Variants in HAUS8 observed in about 807,000 individuals in gnomAD.
The protein encoded by HAUS8 is HAUS augmin-like complex subunit 8.
A neutral mutation model predicts 42.9 loss-of-function variants in HAUS8; 38 were observed. The observed-to-expected ratio is 0.89, with a 90% CI of 0.68 to 1.16. The LOEUF is 1.16. Ranked by LOEUF, HAUS8 falls within the 50% of genes most tolerant of loss-of-function variation. The pLI, the probability that HAUS8 is intolerant of heterozygous loss-of-function variation, is 0.00. For missense variants in HAUS8, 494 were observed against 511.6 expected (o/e 0.97, Z 0.33); for synonymous variants, 199 against 205.8 (o/e 0.97, Z 0.28).
intron 2 of HAUS8, among the ~76,000 whole-genome samples, chr19:17,071,233 C>T (rs2057421280): frequency 6.6e-6 from 1 of 152,124 alleles, no homozygotes; most frequent in South Asian, 2.1e-4. Flanking sequence ...CCAGTTGATT[C>T]TTCTGTTGGG....
At chr19:17,068,363 C>T (rs1054267464) in intron 3 of HAUS8, among the ~76,000 whole-genome samples, 2 of 152,112 alleles carry the variant, frequency 1.3e-5, no homozygotes, top group Non-Finnish European at 2.9e-5. Flanking sequence ...ATCCGCCCAC[C>T]TCGGCCTCCC....
At chr19:17,060,908 T>C (rs1369149800) in intron 4 of HAUS8, among the ~76,000 whole-genome samples, 2 of 152,138 alleles carry the variant, frequency 1.3e-5, no homozygotes, top group Non-Finnish European at 2.9e-5. Flanking sequence ...CGGTATGTTG[T>C]GTTAGGAACT....
In HAUS8 at chr19:17,075,114, C is replaced by T. The variant is rs573257619; in HGVS notation, c.29+280G>A. 9.5e-6 allele frequency: 5 copies of T among 527,498 alleles called. No individual in the cohort carries two copies. In the Admixed American group the frequency reaches 1.3e-4, roughly 13 times the overall value. 32.7% of individuals were successfully genotyped at this position (527,498 alleles called of 1,614,324 possible). A position where few individuals can be genotyped will look rare whatever the true frequency, so the allele number is the denominator to read the frequency against. ...CGAGGTTGAGCTGCGTCATCGGCCC[C>T]ATTTCGTAGCGGAGGAAAGCGAGGC... On this transcript the variant is annotated intron_variant, in intron 1 of 10. Transcript: ENST00000253669.
chr19:17,068,203 T>A (rs1176120940), intron 3 of HAUS8, among the ~76,000 whole-genome samples: 1 of 143,870 alleles, frequency 7.0e-6, no homozygotes, highest in African/African-American at 2.6e-5. Context: ...AACCTCTGCC[T>A]CCCAGGTTCA....
intron 3 of HAUS8, among the ~76,000 whole-genome samples, chr19:17,068,097 T>A (rs1414305272): frequency 6.8e-6 from 1 of 147,862 alleles, no homozygotes; most frequent in East Asian, 1.9e-4. Context: ...TTTTATTTTA[T>A]TCTTTTTTTT....
chr19:17,053,417 C>G (rs138181636), intron 9 of HAUS8: 1 of 171,774 alleles, frequency 5.8e-6, no homozygotes, highest in African/African-American at 2.4e-5. Flanking sequence ...TACATCACAT[C>G]AAGGCCAGTC....
intron 5 of HAUS8, 116 bp from the exon 6 acceptor site, chr19:17,059,767 G>C: frequency 1.4e-6 from 1 of 739,562 alleles, no homozygotes; most frequent in East Asian, 2.6e-5. Context: ...AAATTGAGGA[G>C]TATATGGACT....
chr19:17,068,642 C>T (rs902818483), intron 3 of HAUS8, among the ~76,000 whole-genome samples: 2 of 152,032 alleles, frequency 1.3e-5, no homozygotes, highest in Non-Finnish European at 2.9e-5. Context: ...TAGCACACGC[C>T]TTTCGTCCCA....
chr19:17,059,890 G>A, intron 5 of HAUS8, 107 bp downstream of exon 5: 1 of 800,462 alleles, frequency 1.2e-6, no homozygotes, highest in South Asian at 1.4e-5. Flanking sequence ...AACTTACAAT[G>A]GGTTTGTTGG....
intron 9 of HAUS8, chr19:17,055,125 A>G (rs1430597860): frequency 1.4e-4 from 4 of 29,504 alleles, no homozygotes; most frequent in South Asian, 3.1e-3. Context: ...AAAAAAAAAA[A>G]AAAAAAAAAA....
At chr19:17,074,259 G>GT (rs2057449736) in intron 1 of HAUS8, 1 of 152,572 alleles carries the variant, frequency 6.6e-6, no homozygotes, top group Non-Finnish European at 1.5e-5. Flanking sequence ...CCAGGGCACT[G>GT]TAACTCCTGC....
At chr19:17,071,418 G>A (rs2057423196) in intron 2 of HAUS8, among the ~76,000 whole-genome samples, 1 of 152,102 alleles carries the variant, frequency 6.6e-6, no homozygotes, top group African/African-American at 2.4e-5. Flanking sequence ...GTGGACAATC[G>A]GAAGGCCACT....
intron 10 of HAUS8, chr19:17,052,565 A>T: frequency 2.8e-6 from 1 of 362,428 alleles, no homozygotes; most frequent in Non-Finnish European, 5.1e-6. Context: ...CGACAGAGTG[A>T]GAACCTGTCT....
rs1351591294 is a variant in HAUS8, at chr19:17,052,829, G to A, written c.925C>T (p.Arg309Ter). ...DVTAKKDLEL[R>*]RSFAQVLELS... ...TTAAAGCATTTTCCGAGGTACCTTCGGAGCTCAAGGTCCTTTTTCGCCGTC... is the reference window on the plus strand; with the variant it reads ...TTAAAGCATTTTCCGAGGTACCTTCAGAGCTCAAGGTCCTTTTTCGCCGTC... The change falls in exon 10 of 11, where the codon CGA becomes TGA. Residue 309 changes from arginine (R) to a stop codon, truncating the protein, a stop_gained. Transcript: ENST00000253669. LOFTEE classifies it low-confidence loss of function (END_TRUNC). 4 of 1,613,996 alleles carry A rather than the reference G, an allele frequency of 2.5e-6. No individual in the cohort carries two copies. The highest frequency in any genetic ancestry group is 3.4e-6 in the Non-Finnish European group (4 of 1,180,040).
At chr19:17,071,555 A>T (rs2057424050) in intron 2 of HAUS8, among the ~76,000 whole-genome samples, 1 of 152,204 alleles carries the variant, frequency 6.6e-6, no homozygotes, top group Non-Finnish European at 1.5e-5. Flanking sequence ...CCCAGCTCCC[A>T]GCAGAAAGAC....
At chr19:17,059,713 A>AT (rs1220761295) in intron 5 of HAUS8, 62 bp from the exon 6 acceptor site, 48 of 1,135,542 alleles carry the variant, frequency 4.2e-5, no homozygotes, top group East Asian at 9.4e-5. Context: ...CCTGGTTGCC[A>AT]TTTTTTTTCT....
chr19:17,064,669 T>G (rs556231570), intron 3 of HAUS8, among the ~76,000 whole-genome samples: 1 of 152,250 alleles, frequency 6.6e-6, no homozygotes, highest in Admixed American at 6.5e-5. Flanking sequence ...CACCCATACA[T>G]GAAAAAACGA....
intron 3 of HAUS8, among the ~76,000 whole-genome samples, chr19:17,063,363 A>G (rs959592770): frequency 5.3e-5 from 8 of 152,232 alleles, no homozygotes; most frequent in African/African-American, 1.7e-4. Flanking sequence ...GAGCAACGAC[A>G]TGACGACGCA....
chr19:17,050,545 A>C (rs1027594465), intron 10 of HAUS8, among the ~76,000 whole-genome samples: 4 of 152,188 alleles, frequency 2.6e-5, no homozygotes, highest in African/African-American at 9.7e-5. Flanking sequence ...AGATGGCTTG[A>C]GGCCAGGAGT....
Sources: gnomAD v4.1 joint callset for allele counts (sites outside exome capture counted in the v4.1 genomes callset) on GRCh38, gnomAD v4.1.1 for gene constraint, MANE v1.5 for transcripts, NCBI Gene and HGNC (gene_info 2026-07-23, HGNC 2026-07-21) for gene names.